The following RAB3IP variants were observed in gnomAD, a reference collection of about 807,000 sequenced individuals.
RAB3IP encodes RAB3A interacting protein.
In RAB3IP, 36 loss-of-function variants were observed where a neutral mutation model predicts 59.1. The observed-to-expected ratio is 0.61, with a 90% confidence interval of 0.47 to 0.80. The LOEUF is 0.80. RAB3IP is among the 30% of genes least tolerant of loss of function. RAB3IP has a pLI of 0.00. For missense variants in RAB3IP, 511 were observed against 536.0 expected (o/e 0.95, Z 0.46); for synonymous variants, 207 against 191.2 (o/e 1.08, Z -0.68).
rs1021197798 is a variant in RAB3IP at position 69,822,205 on chromosome 12, A to G, written c.*6759A>G. ...TCTAAAGGCATATAAATCCTTAAAA[A>G]AAATCATTTGACTTCATCCTTGCTC... On this transcript the variant is annotated 3_prime_UTR_variant, in exon 11 of 11. Transcript: ENST00000247833. 6.6e-6 allele frequency: 1 copy of G among 152,220 alleles called. No homozygotes were observed. 9.4% of individuals were successfully genotyped at this position (152,220 alleles called of 1,614,324 possible). A position where few individuals can be genotyped will look rare whatever the true frequency, so the allele number is the denominator to read the frequency against.
chr12:69,809,486 G>C (rs1592625098), intron 8 of RAB3IP, among the ~76,000 whole-genome samples: 1 of 152,200 alleles, frequency 6.6e-6, no homozygotes. Flanking sequence ...ATAATATCCT[G>C]CAGAGTGTTT....
At position 69,815,270 on chromosome 12, in the gene RAB3IP, C is replaced by G; in HGVS notation, c.1301-94C>G. 4 of 879,010 alleles carry G rather than the reference C, an allele frequency of 4.6e-6. No homozygotes were observed. In the South Asian group the frequency reaches 6.2e-5, roughly 14 times the overall value. 54.5% of individuals were successfully genotyped at this position (879,010 alleles called of 1,614,324 possible). A position where few individuals can be genotyped will look rare whatever the true frequency, so the allele number is the denominator to read the frequency against. ...TGTAGGTACATCTTTAGGAAATGCA[C>G]AATTGACATTTCAGCTAAGGTTTTC... On this transcript the variant is annotated intron_variant, in intron 10 of 10. Coordinates refer to ENST00000247833, the MANE Select transcript of RAB3IP (RefSeq NM_022456.5).
chr12:69,765,809 CTT>C (rs1012831096), intron 3 of RAB3IP, among the ~76,000 whole-genome samples: 1 of 152,224 alleles, frequency 6.6e-6, no homozygotes, highest in Non-Finnish European at 1.5e-5. Flanking sequence ...TTAGAACTCT[CTT>C]AAGGGTATCT....
At chr12:69,796,234 A>T (rs1392671796) in intron 6 of RAB3IP, 1 of 153,092 alleles carries the variant, frequency 6.5e-6, no homozygotes, top group Non-Finnish European at 1.5e-5. Flanking sequence ...TGGGAGGCGG[A>T]GGTTGCGGTC....
intron 3 of RAB3IP, among the ~76,000 whole-genome samples, chr12:69,760,510 C>T (rs1262253853): frequency 6.6e-6 from 1 of 152,174 alleles, no homozygotes; most frequent in Admixed American, 6.5e-5. Flanking sequence ...CTTTGGTATT[C>T]ATTTCTTCAT....
intron 8 of RAB3IP, among the ~76,000 whole-genome samples, chr12:69,805,668 C>T (rs1307670340): frequency 1.3e-5 from 2 of 151,738 alleles, no homozygotes; most frequent in Non-Finnish European, 2.9e-5. Flanking sequence ...TGAAATACGT[C>T]CCATCAATAC....
intron 3 of RAB3IP, among the ~76,000 whole-genome samples, chr12:69,762,329 T>C (rs1026561974): frequency 6.6e-6 from 1 of 152,244 alleles, no homozygotes; most frequent in African/African-American, 2.4e-5. Context: ...ATCCTTGCAC[T>C]CTACTCCAGA....
In RAB3IP at chr12:69,821,665, G is replaced by A. The variant is rs982923073; in HGVS notation, c.*6219G>A. 1.6e-4 allele frequency: 25 copies of A among 152,178 alleles called. No homozygotes were observed. The highest frequency in any genetic ancestry group is 5.3e-4 in the African/African-American group (22 of 41,430). The allele number at this position is 152,178 out of a possible 1,614,324, so 9.4% of individuals were successfully genotyped here. ...AACAATTGCCAGCATTTAAAAATGAGGAAATCTAAAATCTGCATTTCAAGC... is the reference window on the plus strand; with the variant it reads ...AACAATTGCCAGCATTTAAAAATGAAGAAATCTAAAATCTGCATTTCAAGC... On this transcript the variant is annotated 3_prime_UTR_variant, in exon 11 of 11. Transcript: ENST00000247833.
chr12:69,814,197 A>G (rs1397479557), intron 10 of RAB3IP, among the ~76,000 whole-genome samples: 2 of 152,128 alleles, frequency 1.3e-5, no homozygotes, highest in Non-Finnish European at 2.9e-5. Context: ...AGAATATAAT[A>G]TTTTTCTGTT....
chr12:69,808,630 T>C (rs1206520825), intron 8 of RAB3IP, among the ~76,000 whole-genome samples: 2 of 152,234 alleles, frequency 1.3e-5, no homozygotes, highest in African/African-American at 4.8e-5. Context: ...GTTCTTCTTG[T>C]TGAATTGATC....
intron 1 of RAB3IP, among the ~76,000 whole-genome samples, chr12:69,743,528 G>A (rs1292030428): frequency 6.6e-6 from 1 of 151,946 alleles, no homozygotes; most frequent in African/African-American, 2.4e-5. Flanking sequence ...GCTTTACAAT[G>A]TATACATTTT....
chr12:69,787,710 G>A (rs1875920220), intron 4 of RAB3IP, among the ~76,000 whole-genome samples: 1 of 152,096 alleles, frequency 6.6e-6, no homozygotes, highest in Non-Finnish European at 1.5e-5. Flanking sequence ...ACCATCGTTT[G>A]TTAGCTAAAT....
intron 8 of RAB3IP, among the ~76,000 whole-genome samples, chr12:69,808,790 T>C (rs958164732): frequency 2.2e-4 from 33 of 152,354 alleles, no homozygotes; most frequent in Non-Finnish European, 3.4e-4. Flanking sequence ...AGCCTATGTG[T>C]GTTTCTGCAC....
At position 69,820,037 on chromosome 12, in the gene RAB3IP, T is replaced by G. The variant is rs1458883737; in HGVS notation, c.*4591T>G. ...TCGCCACCACAAGAATCCTGTGTGT[T>G]TTTGTTTTGTGCATCCAGTCTAAAA... is the stretch of plus-strand genomic sequence containing the variant. On this transcript the variant is annotated 3_prime_UTR_variant, in exon 11 of 11. Transcript: ENST00000247833. 1 of 152,240 alleles carries G rather than the reference T, an allele frequency of 6.6e-6. No homozygotes were observed. Among genetic ancestry groups the G allele is most frequent in the African/African-American group, 2.4e-5 (1 of 41,450 alleles). The allele number at this position is 152,240 out of a possible 1,614,324, so 9.4% of individuals were successfully genotyped here. A position where few individuals can be genotyped will look rare whatever the true frequency, so the allele number is the denominator to read the frequency against.
intron 8 of RAB3IP, 166 bp from the exon 9 acceptor site, chr12:69,812,612 G>A: frequency 1.7e-6 from 1 of 592,972 alleles, no homozygotes; most frequent in Non-Finnish European, 3.0e-6. Context: ...CACAAGGGCA[G>A]AGACTTTGTC....
In RAB3IP at chr12:69,821,579, A is replaced by G. The variant is rs938527425; in HGVS notation, c.*6133A>G. 6.6e-6 allele frequency: 1 copy of G among 152,180 alleles called. No individual in the cohort carries two copies. The highest frequency in any genetic ancestry group is 2.4e-5 in the African/African-American group (1 of 41,452). 9.4% of individuals were successfully genotyped at this position (152,180 alleles called of 1,614,324 possible). A position where few individuals can be genotyped will look rare whatever the true frequency, so the allele number is the denominator to read the frequency against. On this transcript the variant is annotated 3_prime_UTR_variant, in exon 11 of 11. Coordinates refer to ENST00000247833, the MANE Select transcript of RAB3IP (RefSeq NM_022456.5). ...GTGGGCTCCATTGTGTTTTCACACA[A>G]TGTGCTATTTGTCCTTCACAGTGTT...
chr12:69,742,571 T>C lies in RAB3IP; in HGVS notation c.-26+3540T>C, dbSNP rs551328219. Among the ~76,000 whole-genome samples the C allele has an allele frequency of 7.2e-5, 11 of 152,168 alleles. 1 individual carries two copies. In the South Asian group the frequency reaches 2.3e-3, roughly 32 times the overall value. ...CTCTAGTCTACAAGTGCTTCGAGAG[T>C]AGGGCTTACCTCATTTTATAGCTTT... is the stretch of plus-strand genomic sequence containing the variant. On this transcript the variant is annotated intron_variant, in intron 1 of 10. Coordinates refer to ENST00000247833, the MANE Select transcript of RAB3IP (RefSeq NM_022456.5).
In RAB3IP at chr12:69,784,768, G is replaced by A; in HGVS notation, c.559G>A (p.Asp187Asn). 6.2e-7 allele frequency: 1 copy of A among 1,610,240 alleles called. No homozygotes were observed. The highest frequency in any genetic ancestry group is 8.5e-7 in the Non-Finnish European group (1 of 1,177,818). ...EECERLSKVR[D>N]QLGQELEELT... ...ATGTGAGAGGCTTTCAAAAGTGCGA[G>A]ATCAACTTGGACAGGAATTGGAAGA... Residue 187 changes from aspartate (D) to asparagine (N), a missense_variant, in exon 4 of 11, where the codon GAT becomes AAT. Asp to Asn is a conservative substitution (Grantham distance 23). Transcript: ENST00000247833.
intron 6 of RAB3IP, chr12:69,796,754 T>G (rs1052094701): frequency 4.4e-6 from 2 of 456,066 alleles, no homozygotes; most frequent in Admixed American, 4.2e-5. Context: ...TTAATTCTAA[T>G]TCTTTGGAAT....
Sources: gnomAD v4.1 joint callset for allele counts (sites outside exome capture counted in the v4.1 genomes callset) on GRCh38, gnomAD v4.1.1 for gene constraint, MANE v1.5 for transcripts, NCBI Gene and HGNC (gene_info 2026-07-23, HGNC 2026-07-21) for gene names.